The following PAM variants were observed in gnomAD, a reference collection of about 807,000 sequenced individuals.
PAM encodes the protein peptidylglycine alpha-amidating monooxygenase.
A neutral mutation model predicts 122.1 loss-of-function variants in PAM; 72 were observed. That is an observed-to-expected ratio of 0.59 (90% confidence interval 0.49 to 0.72). PAM has a LOEUF of 0.72. Ranked by LOEUF, PAM falls within the 30% of genes least tolerant of loss-of-function variation. The pLI, the probability that PAM is intolerant of heterozygous loss-of-function variation, is 0.00. For synonymous variants in PAM, 389 were observed against 404.4 expected (o/e 0.96, Z 0.46); for missense variants, 1,106 against 1,183.7 (o/e 0.93, Z 0.96).
intron 3 of PAM, among the ~76,000 whole-genome samples, chr5:102,893,237 G>C (rs1333364109): frequency 6.6e-6 from 1 of 151,610 alleles, no homozygotes; most frequent in Non-Finnish European, 1.5e-5. Flanking sequence ...TCCTTAATTG[G>C]TGTCAATTTC....
At position 103,017,414 on chromosome 5, in the gene PAM, G is replaced by C; in HGVS notation, c.2412G>C (p.Trp804Cys). The change falls in exon 22 of 26, where the codon TGG (tryptophan) becomes TGC (cysteine). Residue 804 changes from tryptophan (W) to cysteine (C), a missense_variant. This residue lies in a region of PAM where 333 missense variants were observed against 335.6 expected (regional missense o/e 0.99). Transcript: ENST00000438793. ...GAGATGCTCATACCAACACCGTGTG[G>C]AAGTTCACCTTGACTGAGAGTATGG... ...YIGDAHTNTV[W>C]KFTLTEKLEH... 1.3e-6 allele frequency: 2 copies of C among 1,599,682 alleles called. No homozygotes were observed. Among genetic ancestry groups the C allele is most frequent in the African/African-American group, 2.7e-5 (2 of 74,698 alleles).
At chr5:102,841,048 C>CTT (rs1305053) in intron 1 of PAM, among the ~76,000 whole-genome samples, 117,089 of 151,930 alleles carry the variant, frequency 0.77, 46,190 homozygotes, top group African/African-American at 0.93. Flanking sequence ...TACTTTGTCT[C>CTT]TTGGTATAGG....
chr5:102,906,145 A>G (rs1399837907), intron 4 of PAM, among the ~76,000 whole-genome samples: 1 of 151,690 alleles, frequency 6.6e-6, no homozygotes, highest in Non-Finnish European at 1.5e-5. Context: ...CTCAAGTAAT[A>G]AAAAACAGTG....
rs190662276 is a variant in PAM at position 102,925,333 on chromosome 5, G to A, written c.442+291G>A. Among the ~76,000 whole-genome samples the A allele has an allele frequency of 2.0e-5, 3 of 152,290 alleles. No individual in the cohort carries two copies. The East Asian group carries it at 5.8e-4, about 29-fold the overall frequency. ...ACCTAAGGCACATTGGTTCTTGACAGCAGACACATTTCATGAGCCAAGAGA... is the reference window on the plus strand; with the variant it reads ...ACCTAAGGCACATTGGTTCTTGACAACAGACACATTTCATGAGCCAAGAGA... On this transcript the variant is annotated intron_variant, in intron 6 of 25. Transcript: ENST00000438793.
chr5:102,814,562 G>GATATATACATATATATTT (rs1561519299), intron 1 of PAM, among the ~76,000 whole-genome samples: 77 of 143,576 alleles, frequency 5.4e-4, no homozygotes, highest in Middle Eastern at 3.6e-3. Context: ...CATATATATA[G>GATATATACATATATATTT]ATATATACAT....
At chr5:102,973,676 A>G (rs1484530682) in intron 14 of PAM, among the ~76,000 whole-genome samples, 1 of 152,160 alleles carries the variant, frequency 6.6e-6, no homozygotes, top group Non-Finnish European at 1.5e-5. Context: ...TGCTCAAGAA[A>G]TGTATATTTC....
At chr5:102,855,076 T>A (rs1365591246) in intron 1 of PAM, among the ~76,000 whole-genome samples, 3 of 152,216 alleles carry the variant, frequency 2.0e-5, no homozygotes, top group Admixed American at 6.5e-5. Context: ...TAAAATGTTT[T>A]TTTAAGCAAC....
chr5:102,929,580 G>C (rs1225200958), intron 7 of PAM, among the ~76,000 whole-genome samples: 1 of 152,200 alleles, frequency 6.6e-6, no homozygotes. Context: ...CTACTGAAAA[G>C]TGGGGAAATG....
intron 7 of PAM, among the ~76,000 whole-genome samples, chr5:102,929,026 G>GATTGTCA (rs1012403436): frequency 1.2e-4 from 19 of 152,024 alleles, no homozygotes; most frequent in African/African-American, 4.6e-4. Flanking sequence ...TGCTTACCAG[G>GATTGTCA]ATTGTCAAGC....
Position 102,785,088 on chromosome 5 carries a change from G to A in PAM, c.-374+29740G>A, listed in dbSNP as rs111845566. ...TTGTTTTTTTATACTTTAAGTTCTGGGATTCATGTGCAGAACATGCAGGTT... is the reference window on the plus strand; with the variant it reads ...TTGTTTTTTTATACTTTAAGTTCTGAGATTCATGTGCAGAACATGCAGGTT... On this transcript the variant is annotated intron_variant, in intron 1 of 25. Coordinates refer to ENST00000438793, the MANE Select transcript of PAM (RefSeq NM_001177306.2). Among the ~76,000 whole-genome samples the A allele has an allele frequency of 9.4e-3, 1,430 of 152,122 alleles. 19 individuals are homozygous for A. The highest frequency in any genetic ancestry group is 0.033 in the African/African-American group (1,358 of 41,486).
intron 1 of PAM, among the ~76,000 whole-genome samples, chr5:102,857,027 T>C (rs1782823076): frequency 6.6e-6 from 1 of 152,120 alleles, no homozygotes; most frequent in Non-Finnish European, 1.5e-5. Flanking sequence ...TAGGGTGAAG[T>C]TTATCTTCCT....
chr5:102,957,576 TGGAGTGCAGTGGCG>T (rs2150180335), intron 12 of PAM, among the ~76,000 whole-genome samples: 1 of 152,232 alleles, frequency 6.6e-6, no homozygotes, highest in Admixed American at 6.5e-5. Flanking sequence ...TCACCTAGGC[TGGAGTGCAGTGGCG>T]TGAGATCTCA....
intron 16 of PAM, among the ~76,000 whole-genome samples, chr5:103,002,241 A>G (rs748972283): frequency 3.9e-5 from 6 of 152,176 alleles, no homozygotes; most frequent in African/African-American, 7.2e-5. Flanking sequence ...TGAATTTAAG[A>G]AATTATATTA....
intron 4 of PAM, among the ~76,000 whole-genome samples, chr5:102,903,371 A>G (rs1414744921): frequency 1.3e-5 from 2 of 151,604 alleles, no homozygotes; most frequent in Non-Finnish European, 3.0e-5. Context: ...GAACTGGAAA[A>G]TGGAAAACTA....
chr5:102,801,923 C>A (rs570664651), intron 1 of PAM, among the ~76,000 whole-genome samples: 1 of 150,586 alleles, frequency 6.6e-6, no homozygotes, highest in African/African-American at 2.4e-5. Flanking sequence ...GGACTACAGG[C>A]GCCCGCCACC....
chr5:103,016,447 T>C (rs531604413), intron 21 of PAM, among the ~76,000 whole-genome samples: 2 of 152,292 alleles, frequency 1.3e-5, no homozygotes, highest in Non-Finnish European at 2.9e-5. Flanking sequence ...AGGTGAAAGA[T>C]GTTATCTATA....
At position 102,991,465 on chromosome 5, in the gene PAM, A is replaced by G. The variant is rs982888033; in HGVS notation, c.1613+1064A>G. Among the ~76,000 whole-genome samples the G allele has an allele frequency of 4.6e-5, 7 of 152,186 alleles. No homozygotes were observed. The South Asian group carries it at 1.2e-3, about 27-fold the overall frequency. On this transcript the variant is annotated intron_variant, in intron 16 of 25. Coordinates refer to ENST00000438793, the MANE Select transcript of PAM (RefSeq NM_001177306.2). Reference sequence around the variant, plus strand: ...ATCTTCTCTTTTCATACATATAACTATGGGTCTCATTTGGAAAATCGAGGA... The same window carrying G: ...ATCTTCTCTTTTCATACATATAACTGTGGGTCTCATTTGGAAAATCGAGGA...
intron 14 of PAM, among the ~76,000 whole-genome samples, chr5:102,969,675 T>C (rs1457378224): frequency 6.6e-6 from 1 of 152,202 alleles, no homozygotes; most frequent in Non-Finnish European, 1.5e-5. Context: ...AGAGACACTA[T>C]TAAAAGGTTA....
At chr5:102,917,793 T>C (rs1271949829) in intron 5 of PAM, among the ~76,000 whole-genome samples, 1 of 152,220 alleles carries the variant, frequency 6.6e-6, no homozygotes, top group Non-Finnish European at 1.5e-5. Flanking sequence ...TGCCCTCCTT[T>C]GCTCTTTGTA....
Sources: gnomAD v4.1 joint callset for allele counts (sites outside exome capture counted in the v4.1 genomes callset) on GRCh38, gnomAD v4.1.1 for gene constraint, gnomAD v4.1.1 regional missense constraint, MANE v1.5 for transcripts, NCBI Gene and HGNC (gene_info 2026-07-23, HGNC 2026-07-21) for gene names.